The following CSMD1 variants were observed in gnomAD, a reference collection of about 807,000 sequenced individuals.
CSMD1 encodes CUB and sushi domain-containing protein 1.
In CSMD1, 213 loss-of-function variants were observed where a neutral mutation model predicts 417.5. The ratio of observed to expected loss-of-function variants is 0.51; its 90% CI spans 0.46 to 0.57. CSMD1 has a LOEUF of 0.57. Among genes scored for constraint, CSMD1 ranks in the 20% least tolerant of loss-of-function variants. The pLI, the probability that CSMD1 is intolerant of heterozygous loss-of-function variation, is 0.00. For synonymous variants in CSMD1, 2,862 were observed against 1,736.8 expected (o/e 1.65, Z -16.11); for missense variants, 6,923 against 4,529.7 (o/e 1.53, Z -15.17).
chr8:4,807,246 C>G (rs368933384), intron 1 of CSMD1, among the ~76,000 whole-genome samples: 18 of 152,174 alleles, frequency 1.2e-4, no homozygotes, highest in African/African-American at 4.1e-4. Context: ...GCTTCTCCCA[C>G]AGAAAGCAAA....
intron 1 of CSMD1, among the ~76,000 whole-genome samples, chr8:4,768,928 C>G (rs915620088): frequency 6.6e-6 from 1 of 152,130 alleles, no homozygotes; most frequent in Non-Finnish European, 1.5e-5. Context: ...GTTATTGATT[C>G]CTCACCATTT....
rs552428157 is a variant in CSMD1 at position 4,057,555 on chromosome 8, A to G, written c.416-25456T>C. ...TAGTTTAATTAGATCCCATTTGTCA[A>G]TTTTGGCTTTTGTTGCCATTGCTTT... On this transcript the variant is annotated intron_variant, in intron 3 of 69. Transcript: ENST00000635120. 4.6e-5 allele frequency among the ~76,000 whole-genome samples: 7 copies of G among 151,990 alleles called. 1 individual carries two copies. The highest frequency in any genetic ancestry group is 1.3e-4 in the Admixed American group (2 of 15,268).
intron 4 of CSMD1, among the ~76,000 whole-genome samples, chr8:4,028,340 C>T (rs1244272151): frequency 6.6e-6 from 1 of 152,070 alleles, no homozygotes; most frequent in Non-Finnish European, 1.5e-5. Context: ...AAAATGCCTA[C>T]TTATGAAGAT....
intron 2 of CSMD1, among the ~76,000 whole-genome samples, chr8:4,503,122 G>T (rs1154099): frequency 6.6e-6 from 1 of 151,568 alleles, no homozygotes; most frequent in Admixed American, 6.6e-5. Context: ...AGAACTATGT[G>T]TAATGGATAT....
chr8:4,406,618 G>C (rs1805043786), intron 3 of CSMD1, among the ~76,000 whole-genome samples: 1 of 152,096 alleles, frequency 6.6e-6, no homozygotes, highest in African/African-American at 2.4e-5. Context: ...AAAGTGACCG[G>C]AGGCTGGGAC....
chr8:4,779,746 A>G (rs1797054219), intron 1 of CSMD1, among the ~76,000 whole-genome samples: 1 of 152,134 alleles, frequency 6.6e-6, no homozygotes, highest in Admixed American at 6.5e-5. Context: ...TAAGAAATAA[A>G]TCCTGCTAAT....
chr8:3,268,349 C>G (rs1213647276), intron 26 of CSMD1, among the ~76,000 whole-genome samples: 3 of 125,428 alleles, frequency 2.4e-5, no homozygotes, highest in Admixed American at 2.1e-4. Flanking sequence ...CAGGCTGGAG[C>G]GTGATCTCAG....
intron 3 of CSMD1, among the ~76,000 whole-genome samples, chr8:4,292,243 C>CT (rs1797410848): frequency 1.3e-5 from 2 of 151,890 alleles, no homozygotes; most frequent in Admixed American, 6.6e-5. Flanking sequence ...TTGTTGTCGT[C>CT]GTTGTTGTTG....
At chr8:4,058,141 C>A (rs1322899382) in intron 3 of CSMD1, among the ~76,000 whole-genome samples, 1 of 152,124 alleles carries the variant, frequency 6.6e-6, no homozygotes, top group African/African-American at 2.4e-5. Context: ...GCCATTTTCA[C>A]GATATTGACT....
chr8:4,377,705 A>T (rs541752728), intron 3 of CSMD1, among the ~76,000 whole-genome samples: 70 of 152,324 alleles, frequency 4.6e-4, no homozygotes, highest in African/African-American at 1.6e-3. Context: ...CATCTGTGGC[A>T]TACTTTTGAT....
chr8:4,925,677 G>T (rs1043443771), intron 1 of CSMD1, among the ~76,000 whole-genome samples: 1 of 151,840 alleles, frequency 6.6e-6, no homozygotes, highest in Non-Finnish European at 1.5e-5. Context: ...CTCCCAAGTA[G>T]CTGGGACTAC....
chr8:4,771,615 G>A (rs531668054), intron 1 of CSMD1, among the ~76,000 whole-genome samples: 6 of 152,144 alleles, frequency 3.9e-5, no homozygotes, highest in Non-Finnish European at 8.8e-5. Context: ...ATGTTGAAAC[G>A]TCCGTGAATT....
At position 4,138,351 on chromosome 8, in the gene CSMD1, G is replaced by A. The variant is rs1181382592; in HGVS notation, c.416-106252C>T. 2.6e-5 allele frequency among the ~76,000 whole-genome samples: 4 copies of A among 151,904 alleles called. 1 individual carries two copies. The highest frequency in any genetic ancestry group is 6.8e-3 in the Middle Eastern group (2 of 294). Reference sequence around the variant, plus strand: ...CACATTTGAGTTGTGGCAAAGCTGGGGCAAGGAGTCAGTGTTCTGATACCT... The same window carrying A: ...CACATTTGAGTTGTGGCAAAGCTGGAGCAAGGAGTCAGTGTTCTGATACCT... On this transcript the variant is annotated intron_variant, in intron 3 of 69. Transcript: ENST00000635120.
chr8:4,687,400 C>T (rs981643655), intron 1 of CSMD1, among the ~76,000 whole-genome samples: 40 of 152,018 alleles, frequency 2.6e-4, no homozygotes, highest in African/African-American at 8.9e-4. Flanking sequence ...CATAAAAATA[C>T]GTACTAGAGT....
chr8:3,299,079 C>T (rs546531127), intron 25 of CSMD1, among the ~76,000 whole-genome samples: 6 of 152,256 alleles, frequency 3.9e-5, no homozygotes, highest in Non-Finnish European at 8.8e-5. Flanking sequence ...AGGTAAGTGT[C>T]AGTCATTTTT....
chr8:3,101,799 CTTTTTTTTTTTT>C (rs530061255), intron 46 of CSMD1, among the ~76,000 whole-genome samples: 4 of 106,358 alleles, frequency 3.8e-5, no homozygotes, highest in Non-Finnish European at 3.8e-5. Context: ...CTTTCTTTTT[CTTTTTTTTTTTT>C]TTTTTTTTTA....
chr8:4,353,818 G>C (rs539298146), intron 3 of CSMD1, among the ~76,000 whole-genome samples: 1 of 152,274 alleles, frequency 6.6e-6, no homozygotes, highest in South Asian at 2.1e-4. Context: ...ATTAAAACCA[G>C]TGTTCTTCTC....
intron 3 of CSMD1, among the ~76,000 whole-genome samples, chr8:4,162,674 A>T (rs1195882402): frequency 6.6e-6 from 1 of 152,178 alleles, no homozygotes; most frequent in Non-Finnish European, 1.5e-5. Flanking sequence ...TCCCATACAC[A>T]GAGCCTCCCC....
intron 2 of CSMD1, among the ~76,000 whole-genome samples, chr8:4,592,951 A>T (rs536177158): frequency 3.3e-5 from 5 of 152,268 alleles, no homozygotes; most frequent in Admixed American, 3.3e-4. Flanking sequence ...GGTTTGCTGT[A>T]GTTTTCTTTC....
Sources: gnomAD v4.1 joint callset for allele counts (sites outside exome capture counted in the v4.1 genomes callset) on GRCh38, gnomAD v4.1.1 for gene constraint, MANE v1.5 for transcripts, NCBI Gene and HGNC (gene_info 2026-07-23, HGNC 2026-07-21) for gene names.